Variants in BBOF1 observed in about 807,000 individuals in gnomAD.
BBOF1 encodes the protein basal body-orientation factor 1.
In BBOF1, 62 loss-of-function variants were observed where a neutral mutation model predicts 68.0. That is an observed-to-expected ratio of 0.91 (90% CI 0.74 to 1.13). The LOEUF (loss-of-function observed/expected upper bound fraction) is 1.13. Among genes scored for constraint, BBOF1 ranks in the 50% most tolerant of loss-of-function variants. The pLI is 0.00. For synonymous variants in BBOF1, 208 were observed against 198.8 expected, an observed-to-expected ratio of 1.05 and a Z score of -0.39; for missense variants, 534 against 600.1, an observed-to-expected ratio of 0.89 and a Z score of 1.15.
At chr14:74,057,489 A>T in intron 11 of BBOF1, 1 of 1,416,532 alleles carries the variant, frequency 7.1e-7, no homozygotes, top group Non-Finnish European at 9.2e-7. Flanking sequence ...AGAAACCTAT[A>T]GGTTGCCTTT....
At chr14:74,072,698 C>A in intron 9 of BBOF1, 1 of 1,443,896 alleles carries the variant, frequency 6.9e-7, no homozygotes, top group Non-Finnish European at 9.5e-7. Context: ...TCCCTTGCAC[C>A]AAAAGGAAAG....
downstream of BBOF1, chr14:74,067,425 G>A (rs1595118923): frequency 6.2e-7 from 1 of 1,614,084 alleles, no homozygotes; most frequent in Non-Finnish European, 8.5e-7. Flanking sequence ...AGCTCTGGCA[G>A]CCACTTCTTG....
At chr14:74,051,135 T>C (rs1204542640) in intron 8 of BBOF1, among the ~76,000 whole-genome samples, 1 of 151,984 alleles carries the variant, frequency 6.6e-6, no homozygotes, top group Non-Finnish European at 1.5e-5. Flanking sequence ...TCCTAGCTAC[T>C]TGGGAGGCTG....
chr14:74,065,364 C>T lies in BBOF1; in HGVS notation c.*665C>T, dbSNP rs1234042813. On this transcript the variant is annotated 3_prime_UTR_variant, in exon 12 of 12. Transcript: ENST00000394009. ...CTTTGTAACAGGTCATATTTGGCTGCCAGGAGTGATGCATCCAGAAAAGAA... is the reference window on the plus strand; with the variant it reads ...CTTTGTAACAGGTCATATTTGGCTGTCAGGAGTGATGCATCCAGAAAAGAA... 1.2e-6 allele frequency: 2 copies of T among 1,613,698 alleles called. No individual in the cohort carries two copies. The highest frequency in any genetic ancestry group is 8.5e-7 in the Non-Finnish European group (1 of 1,179,954).
chr14:74,028,606 G>A (rs1220395859), intron 2 of BBOF1, among the ~76,000 whole-genome samples: 1 of 151,614 alleles, frequency 6.6e-6, no homozygotes, highest in Non-Finnish European at 1.5e-5. Context: ...TTGGCTAGGC[G>A]CTATGGCTCA....
At position 74,065,385 on chromosome 14, in the gene BBOF1, A is replaced by G; in HGVS notation, c.*686A>G. On this transcript the variant is annotated 3_prime_UTR_variant, in exon 12 of 12. Coordinates refer to ENST00000394009, the MANE Select transcript of BBOF1 (RefSeq NM_025057.3). ...GCTGCCAGGAGTGATGCATCCAGAA[A>G]AGAAGTCAGCTTTTTGGATTCTGAG... is the stretch of plus-strand genomic sequence containing the variant. 1 of 1,611,620 alleles carries G rather than the reference A, an allele frequency of 6.2e-7. No homozygotes were observed. Among genetic ancestry groups the G allele is most frequent in the South Asian group, 1.1e-5 (1 of 90,878 alleles).
Position 74,046,118 on chromosome 14 carries a change from A to T in BBOF1, c.635A>T (p.His212Leu). ...ATAATGCTAGCAGAGAGAGCCCACC[A>T]TGAGGCTATTGTGTAAGAGACTGCT... is the stretch of plus-strand genomic sequence containing the variant. ...KIIMLAERAHHEAIVQLNDAG... is the reference protein window; with the variant it reads ...KIIMLAERAHLEAIVQLNDAG... The change falls in exon 6 of 12, where the codon CAT (histidine) becomes CTT (leucine). Residue 212 changes from histidine (H) to leucine (L), a missense_variant. Coordinates refer to ENST00000394009, the MANE Select transcript of BBOF1 (RefSeq NM_025057.3). 6.2e-7 allele frequency: 1 copy of T among 1,607,626 alleles called. No individual in the cohort carries two copies. The highest frequency in any genetic ancestry group is 8.5e-7 in the Non-Finnish European group (1 of 1,176,992).
intron 2 of BBOF1, among the ~76,000 whole-genome samples, chr14:74,027,865 A>G (rs768909824): frequency 7.2e-5 from 11 of 152,200 alleles, no homozygotes; most frequent in Non-Finnish European, 1.2e-4. Context: ...AAAGGGGACT[A>G]AGACACATGA....
downstream of BBOF1, chr14:74,070,869 G>C (rs2060539925): frequency 6.0e-6 from 2 of 335,554 alleles, no homozygotes; most frequent in African/African-American, 2.1e-5. Context: ...CAGTATCTCT[G>C]AGATCTGCAA....
Position 74,046,149 on chromosome 14 carries a change from C to T in BBOF1, c.647+19C>T. On this transcript the variant is annotated intron_variant, in intron 6 of 11. Transcript: ENST00000394009. ...CTATTGTGTAAGAGACTGCTGCCTA[C>T]TTTCTGACTCTGATTACCTCTCTTA... is the stretch of plus-strand genomic sequence containing the variant. 1 of 1,578,274 alleles carries T rather than the reference C, an allele frequency of 6.3e-7. No homozygotes were observed. The highest frequency in any genetic ancestry group is 2.3e-5 in the East Asian group (1 of 44,300).
intron 11 of BBOF1, chr14:74,060,302 A>T (rs965412778): frequency 2.4e-5 from 7 of 287,818 alleles, no homozygotes; most frequent in African/African-American, 1.5e-4. Flanking sequence ...GCCTGGCTGG[A>T]ACATTTTCTT....
intron 11 of BBOF1, among the ~76,000 whole-genome samples, chr14:74,063,312 G>C (rs369492364): frequency 6.6e-6 from 1 of 150,668 alleles, no homozygotes; most frequent in East Asian, 2.0e-4. Flanking sequence ...TCAGCCTCCC[G>C]AGTAGCTGGG....
chr14:74,067,700 GATA>G (rs1460844583), downstream of BBOF1: 1 of 959,650 alleles, frequency 1.0e-6, no homozygotes, highest in East Asian at 2.5e-5. Context: ...AGGTGAGAAG[GATA>G]ACTTGAGGTC....
chr14:74,036,115 G>T (rs894120173), intron 4 of BBOF1, among the ~76,000 whole-genome samples: 3 of 151,806 alleles, frequency 2.0e-5, no homozygotes, highest in African/African-American at 7.3e-5. Flanking sequence ...GAGTGCAGTG[G>T]CGCGATCTCT....
intron 9 of BBOF1, 196 bp from the exon 10 acceptor site, chr14:74,056,710 T>C (rs776277882): frequency 3.3e-5 from 17 of 516,058 alleles, no homozygotes; most frequent in Non-Finnish European, 5.1e-5. Context: ...AAGGGATGGA[T>C]ACTTCATTCT....
Position 74,051,116 on chromosome 14 carries a change from T to C in BBOF1, c.1286+921T>C, listed in dbSNP as rs572954308. Among the ~76,000 whole-genome samples the C allele has an allele frequency of 9.4e-3, 1,427 of 151,070 alleles. 20 individuals are homozygous for C. Among genetic ancestry groups the C allele is most frequent in the African/African-American group, 0.032 (1,310 of 40,500 alleles). ...AAAATTAGCTGGGCATGGTGGCACA[T>C]TCCTGTAATCCTAGCTACTTGGGAG... is the stretch of plus-strand genomic sequence containing the variant. On this transcript the variant is annotated intron_variant, in intron 8 of 11. Transcript: ENST00000394009.
chr14:74,072,265 T>C (rs1214781955), intron 9 of BBOF1: 1 of 1,614,206 alleles, frequency 6.2e-7, no homozygotes, highest in Admixed American at 1.7e-5. Flanking sequence ...AATACTGAAG[T>C]GTCTGCCCAT....
chr14:74,031,254 A>G (rs2059561948), intron 3 of BBOF1, among the ~76,000 whole-genome samples: 1 of 151,942 alleles, frequency 6.6e-6, no homozygotes, highest in Non-Finnish European at 1.5e-5. Context: ...CTGGAACTGT[A>G]GGCGAGTACC....
At chr14:74,080,673 C>A (rs1472935912) in intron 10 of BBOF1, among the ~76,000 whole-genome samples, 1 of 152,112 alleles carries the variant, frequency 6.6e-6, no homozygotes, top group Non-Finnish European at 1.5e-5. Context: ...GAACTCTTAG[C>A]CTCAAGCGAT....
Sources: gnomAD v4.1 joint callset for allele counts (sites outside exome capture counted in the v4.1 genomes callset) on GRCh38, gnomAD v4.1.1 for gene constraint, MANE v1.5 for transcripts, NCBI Gene and HGNC (gene_info 2026-07-23, HGNC 2026-07-21) for gene names.